CNBD1: variants seen among roughly 807,000 people sequenced by gnomAD.
The protein encoded by CNBD1 is cyclic nucleotide-binding domain-containing protein 1.
CNBD1 carries 71 observed loss-of-function variants against 54.4 expected under a neutral mutation model. That is an observed-to-expected ratio of 1.30 (90% CI 1.08 to 1.59). CNBD1 has a LOEUF of 1.59. Ranked by LOEUF, CNBD1 falls within the 40% of genes most tolerant of loss-of-function variation. The pLI, the probability that CNBD1 is intolerant of heterozygous loss-of-function variation, is 0.00. For missense variants in CNBD1, 659 were observed against 518.0 expected, an observed-to-expected ratio of 1.27 and a Z score of -2.64; for synonymous variants, 182 against 170.7, an observed-to-expected ratio of 1.07 and a Z score of -0.51.
At chr8:86,981,077 A>G (rs1808475607) in intron 4 of CNBD1, among the ~76,000 whole-genome samples, 1 of 152,244 alleles carries the variant, frequency 6.6e-6, no homozygotes, top group African/African-American at 2.4e-5. Flanking sequence ...AAAGTTAAGA[A>G]ACATCAACAT....
chr8:87,209,592 C>T (rs746264977), intron 5 of CNBD1, among the ~76,000 whole-genome samples: 28 of 152,166 alleles, frequency 1.8e-4, no homozygotes, highest in Admixed American at 3.9e-4. Context: ...TTAAAATGCT[C>T]ATACTAGTCA....
intron 4 of CNBD1, among the ~76,000 whole-genome samples, chr8:86,981,694 A>T (rs1808492288): frequency 6.6e-6 from 1 of 152,148 alleles, no homozygotes; most frequent in African/African-American, 2.4e-5. Context: ...CATTTTAATC[A>T]TAATATTTAA....
chr8:87,213,071 A>G (rs956390025), intron 5 of CNBD1, among the ~76,000 whole-genome samples: 1 of 152,034 alleles, frequency 6.6e-6, no homozygotes, highest in African/African-American at 2.4e-5. Context: ...TTCAGAGAAG[A>G]TATAAAAATA....
chr8:87,327,338 C>T (rs554584075), intron 8 of CNBD1, among the ~76,000 whole-genome samples: 1 of 150,260 alleles, frequency 6.7e-6, no homozygotes. Context: ...CCACCCAGTT[C>T]GAGCTTCCCG....
At chr8:87,262,469 AAAG>A (rs1489009439) in intron 6 of CNBD1, among the ~76,000 whole-genome samples, 1 of 152,176 alleles carries the variant, frequency 6.6e-6, no homozygotes, top group Non-Finnish European at 1.5e-5. Flanking sequence ...TAGACTGAGT[AAAG>A]AAGATCACCT....
chr8:87,112,988 G>A (rs1586264990), intron 4 of CNBD1, among the ~76,000 whole-genome samples: 1 of 152,192 alleles, frequency 6.6e-6, no homozygotes, highest in African/African-American at 2.4e-5. Context: ...ACATGATATG[G>A]TCTCAAGAGA....
At chr8:87,136,078 C>CT (rs879896233) in intron 4 of CNBD1, among the ~76,000 whole-genome samples, 5 of 151,918 alleles carry the variant, frequency 3.3e-5, no homozygotes, top group African/African-American at 1.2e-4. Context: ...TAAAATCCAA[C>CT]TTTTTTTGCT....
intron 4 of CNBD1, among the ~76,000 whole-genome samples, chr8:87,036,721 A>G (rs1809958847): frequency 1.3e-5 from 2 of 148,238 alleles, no homozygotes; most frequent in Admixed American, 6.8e-5. Flanking sequence ...ACTTGTTTCT[A>G]TATCTGTCAT....
chr8:87,328,190 T>A (rs959147686), intron 8 of CNBD1, among the ~76,000 whole-genome samples: 8 of 152,014 alleles, frequency 5.3e-5, no homozygotes, highest in African/African-American at 1.9e-4. Flanking sequence ...CTGTGTCCAT[T>A]GTTCGATATC....
chr8:87,079,670 A>T (rs1261559400), intron 4 of CNBD1, among the ~76,000 whole-genome samples: 2 of 152,014 alleles, frequency 1.3e-5, no homozygotes, highest in Non-Finnish European at 2.9e-5. Flanking sequence ...CCCACTTTTT[A>T]TATAGTTGTT....
intron 4 of CNBD1, among the ~76,000 whole-genome samples, chr8:87,167,869 G>A (rs1812998510): frequency 6.6e-6 from 1 of 151,814 alleles, no homozygotes. Flanking sequence ...TTATTATTGT[G>A]CCAATGTCAT....
At chr8:87,425,228 T>G (rs931118134) in intron 2 of CNBD1, among the ~76,000 whole-genome samples, 5 of 152,128 alleles carry the variant, frequency 3.3e-5, no homozygotes, top group Non-Finnish European at 7.4e-5. Flanking sequence ...TCTTCTAAAT[T>G]TTTTTCAAAG....
chr8:87,277,063 G>A (rs186123111), intron 6 of CNBD1, among the ~76,000 whole-genome samples: 1 of 141,756 alleles, frequency 7.1e-6, no homozygotes, highest in Admixed American at 6.9e-5. Context: ...GAATCATGAT[G>A]GGTCATTTAT....
chr8:87,104,491 G>A (rs1319977797), intron 4 of CNBD1, among the ~76,000 whole-genome samples: 1 of 152,228 alleles, frequency 6.6e-6, no homozygotes, highest in Admixed American at 6.5e-5. Flanking sequence ...ACAAAACTGG[G>A]AGGAGGAGAC....
rs144666019 is a variant in CNBD1, at chr8:87,250,620, A to C, written c.771+13508A>C. Among the ~76,000 whole-genome samples the C allele has an allele frequency of 8.4e-3, 1,280 of 152,358 alleles. 19 individuals carry two copies. The highest frequency in any genetic ancestry group is 0.029 in the African/African-American group (1,213 of 41,584). Reference sequence around the variant, plus strand: ...GAATAAAGAAATGTGGTATATGTACATAATGGGATATTATTTAGCCATAAA... The same window carrying C: ...GAATAAAGAAATGTGGTATATGTACCTAATGGGATATTATTTAGCCATAAA... On this transcript the variant is annotated intron_variant, in intron 6 of 10. Transcript: ENST00000518476.
At chr8:87,396,666 T>C (rs1345951476) in intron 2 of CNBD1, among the ~76,000 whole-genome samples, 4 of 151,912 alleles carry the variant, frequency 2.6e-5, no homozygotes, top group Non-Finnish European at 5.9e-5. Flanking sequence ...CTTATCTGTT[T>C]TCATTGATTT....
chr8:87,412,783 G>A (rs550009339), intron 2 of CNBD1, among the ~76,000 whole-genome samples: 509 of 151,304 alleles, frequency 3.4e-3, no homozygotes, highest in Non-Finnish European at 5.3e-3. Context: ...ATTTAAAGGG[G>A]AAACATCAAG....
chr8:86,900,127 A>G (rs1808910818), intron 2 of CNBD1, among the ~76,000 whole-genome samples: 1 of 152,204 alleles, frequency 6.6e-6, no homozygotes, highest in Non-Finnish European at 1.5e-5. Context: ...TCTTTAGAGA[A>G]TTAAGACTGC....
intron 4 of CNBD1, 120 bp from the exon 5 acceptor site, chr8:87,205,873 T>C (rs1459791717): frequency 6.4e-5 from 52 of 812,194 alleles, no homozygotes; most frequent in Non-Finnish European, 8.8e-5. Flanking sequence ...TCACAGTTCT[T>C]TTTTAAAAAC....
Sources: gnomAD v4.1 joint callset for allele counts (sites outside exome capture counted in the v4.1 genomes callset) on GRCh38, gnomAD v4.1.1 for gene constraint, MANE v1.5 for transcripts, NCBI Gene and HGNC (gene_info 2026-07-23, HGNC 2026-07-21) for gene names.